The following MAGI2 variants were observed in gnomAD, a reference collection of about 807,000 sequenced individuals.
The protein encoded by MAGI2 is membrane-associated guanylate kinase, WW and PDZ domain-containing protein 2.
A neutral mutation model predicts 133.3 loss-of-function variants in MAGI2; 35 were observed. That is an observed-to-expected ratio of 0.26 (90% confidence interval 0.20 to 0.35). MAGI2 has a LOEUF of 0.35. Ranked by LOEUF, MAGI2 falls within the 10% of genes least tolerant of loss-of-function variation. The pLI, the probability that MAGI2 is intolerant of heterozygous loss-of-function variation, is 1.00. For synonymous variants in MAGI2, 729 were observed against 710.6 expected (o/e 1.03, Z -0.41); for missense variants, 1,636 against 1,863.4 (o/e 0.88, Z 2.25).
intron 1 of MAGI2, among the ~76,000 whole-genome samples, chr7:79,213,949 T>C (rs1829738069): frequency 1.3e-5 from 2 of 151,942 alleles, no homozygotes; most frequent in African/African-American, 4.8e-5. Flanking sequence ...GGAAAATTAA[T>C]CAGGGAGATA....
chr7:79,133,459 A>C (rs1347897301), intron 1 of MAGI2, among the ~76,000 whole-genome samples: 1 of 152,050 alleles, frequency 6.6e-6, no homozygotes, highest in African/African-American at 2.4e-5. Context: ...TCAGTTGACT[A>C]TATGTATTTG....
At chr7:78,800,275 T>A (rs1054907781) in intron 2 of MAGI2, among the ~76,000 whole-genome samples, 10 of 152,114 alleles carry the variant, frequency 6.6e-5, no homozygotes, top group South Asian at 2.1e-4. Flanking sequence ...TTATTTTTAC[T>A]GACAATTCAA....
In MAGI2 at chr7:78,200,428, G is replaced by C. The variant is rs73703730; in HGVS notation, c.2079+734C>G. Reference sequence around the variant, plus strand: ...TTCCTATACTGGCGCAGACATTTTAGCATGTTTCGTAGGCCTATAGTGGTC... The same window carrying C: ...TTCCTATACTGGCGCAGACATTTTACCATGTTTCGTAGGCCTATAGTGGTC... On this transcript the variant is annotated intron_variant, in intron 11 of 21. Coordinates refer to ENST00000354212, the MANE Select transcript of MAGI2 (RefSeq NM_012301.4). 2.3e-3 allele frequency among the ~76,000 whole-genome samples: 354 copies of C among 152,318 alleles called. 2 individuals carry two copies. Among genetic ancestry groups the C allele is most frequent in the African/African-American group, 8.2e-3 (341 of 41,572 alleles).
At chr7:79,391,508 C>CATAT (rs1286692402) in intron 1 of MAGI2, among the ~76,000 whole-genome samples, 4,802 of 68,522 alleles carry the variant, frequency 0.07, 185 homozygotes, top group Admixed American at 0.091. Context: ...TATATATAGA[C>CATAT]ATATATATAT....
intron 9 of MAGI2, among the ~76,000 whole-genome samples, chr7:78,323,465 A>G (rs1044966208): frequency 1.3e-5 from 2 of 152,162 alleles, no homozygotes; most frequent in African/African-American, 2.4e-5. Flanking sequence ...TCTTTCATTT[A>G]TCACATGCTT....
intron 1 of MAGI2, among the ~76,000 whole-genome samples, chr7:79,131,639 T>G (rs1390789763): frequency 1.3e-5 from 2 of 152,224 alleles, no homozygotes; most frequent in East Asian, 3.8e-4. Flanking sequence ...AATTTGATGT[T>G]GTTTTCATTG....
intron 20 of MAGI2, among the ~76,000 whole-genome samples, chr7:78,090,684 A>G (rs1817104485): frequency 1.3e-5 from 2 of 152,250 alleles, no homozygotes; most frequent in African/African-American, 4.8e-5. Context: ...ATTTGTTATA[A>G]TATGAAGAAG....
intron 1 of MAGI2, among the ~76,000 whole-genome samples, chr7:79,283,036 A>C (rs750344376): frequency 1.6e-4 from 24 of 152,126 alleles, no homozygotes; most frequent in Non-Finnish European, 3.2e-4. Flanking sequence ...ATTTTCTGTA[A>C]CATGAAGCTT....
At chr7:79,339,838 G>C (rs896091924) in intron 1 of MAGI2, among the ~76,000 whole-genome samples, 1 of 152,102 alleles carries the variant, frequency 6.6e-6, no homozygotes, top group Non-Finnish European at 1.5e-5. Flanking sequence ...CAAACATCTA[G>C]TGCTGAATGC....
intron 1 of MAGI2, among the ~76,000 whole-genome samples, chr7:79,274,747 G>T (rs2129557479): frequency 6.6e-6 from 1 of 152,162 alleles, no homozygotes; most frequent in Middle Eastern, 3.4e-3. Flanking sequence ...ACGATGCCAG[G>T]CAAGTCTATC....
chr7:78,329,994 T>C (rs1446702406), intron 9 of MAGI2, among the ~76,000 whole-genome samples: 1 of 150,278 alleles, frequency 6.7e-6, no homozygotes, highest in Non-Finnish European at 1.5e-5. Flanking sequence ...CAATGCAGAA[T>C]CATTTTGTCT....
chr7:78,707,006 T>G (rs1385702943), intron 2 of MAGI2, among the ~76,000 whole-genome samples: 1 of 152,100 alleles, frequency 6.6e-6, no homozygotes, highest in East Asian at 1.9e-4. Flanking sequence ...TTGTACTGAA[T>G]TCTCACTTCT....
At chr7:78,397,138 T>A (rs886940467) in intron 6 of MAGI2, among the ~76,000 whole-genome samples, 3 of 152,020 alleles carry the variant, frequency 2.0e-5, no homozygotes, top group Non-Finnish European at 4.4e-5. Flanking sequence ...ACCTTAATAA[T>A]GCTCTTTGGT....
chr7:79,071,469 C>T (rs1380979418), intron 1 of MAGI2, among the ~76,000 whole-genome samples: 1 of 152,132 alleles, frequency 6.6e-6, no homozygotes, highest in East Asian at 1.9e-4. Context: ...TATCAGAGCT[C>T]GAACGCTGTG....
chr7:79,110,276 G>C (rs922376411), intron 1 of MAGI2, among the ~76,000 whole-genome samples: 3 of 152,150 alleles, frequency 2.0e-5, no homozygotes, highest in African/African-American at 7.2e-5. Flanking sequence ...AGTCCCCACT[G>C]GTGTACTAAC....
At chr7:78,692,376 C>T (rs1817059513) in intron 2 of MAGI2, among the ~76,000 whole-genome samples, 2 of 152,038 alleles carry the variant, frequency 1.3e-5, no homozygotes, top group Non-Finnish European at 2.9e-5. Flanking sequence ...TGTGTGATAC[C>T]TTAGGGAGCA....
intron 1 of MAGI2, among the ~76,000 whole-genome samples, chr7:79,057,169 T>G (rs1179502466): frequency 6.6e-6 from 1 of 152,212 alleles, no homozygotes; most frequent in Non-Finnish European, 1.5e-5. Context: ...ACTATTTGGA[T>G]TTTATATAGA....
In MAGI2 at chr7:78,501,749, C is replaced by T; in HGVS notation, c.793G>A (p.Gly265Arg). The T allele has an allele frequency of 6.2e-7, 1 of 1,613,988 alleles. No individual in the cohort carries two copies. Among genetic ancestry groups the T allele is most frequent in the Non-Finnish European group, 8.5e-7 (1 of 1,180,008 alleles). ...GGATAAGGCTGGGAGGGCATCTCCCCTGAGGCACCTGCACTTTTGTCTTCA... is the reference window on the plus strand; with the variant it reads ...GGATAAGGCTGGGAGGGCATCTCCCTTGAGGCACCTGCACTTTTGTCTTCA... ...EHEDKSAGASGEMPSQPYPAP... is the reference protein window; with the variant it reads ...EHEDKSAGASREMPSQPYPAP... Residue 265 changes from glycine to arginine, a missense_variant, in exon 5 of 22, where the codon GGG becomes AGG. Around this residue, in one of 5 missense-constraint regions of MAGI2, gnomAD observed 165 missense variants for 128.4 expected, o/e 1.28. Coordinates refer to ENST00000354212, the MANE Select transcript of MAGI2 (RefSeq NM_012301.4).
At chr7:78,279,469 AGAGT>A (rs1795347866) in intron 9 of MAGI2, among the ~76,000 whole-genome samples, 1 of 152,156 alleles carries the variant, frequency 6.6e-6, no homozygotes, top group African/African-American at 2.4e-5. Context: ...AGTCAGGAAG[AGAGT>A]GAGTCCAGGC....
Sources: allele counts gnomAD v4.1 joint callset (sites outside exome capture counted in the v4.1 genomes callset), GRCh38; gene constraint gnomAD v4.1.1; regional missense constraint gnomAD v4.1.1; transcripts MANE v1.5; gene names NCBI Gene and HGNC (gene_info 2026-07-23, HGNC 2026-07-21).